Variants in LINGO2 observed in about 807,000 individuals in gnomAD.
The protein encoded by LINGO2 is leucine rich repeat and Ig domain containing 2.
In LINGO2, 14 loss-of-function variants were observed where a neutral mutation model predicts 30.6. The ratio of observed to expected loss-of-function variants is 0.46; its 90% CI spans 0.30 to 0.72. LINGO2 has a LOEUF of 0.72. Among genes scored for constraint, LINGO2 ranks in the 30% least tolerant of loss-of-function variants. The pLI, the probability that LINGO2 is intolerant of heterozygous loss-of-function variation, is 0.07. For synonymous variants in LINGO2, 317 were observed against 288.5 expected, an observed-to-expected ratio of 1.10 and a Z score of -1.00; for missense variants, 729 against 751.7, an observed-to-expected ratio of 0.97 and a Z score of 0.35.
At chr9:28,017,213 GACAAACCC>G (rs1822883655) in intron 4 of LINGO2, among the ~76,000 whole-genome samples, 1 of 152,120 alleles carries the variant, frequency 6.6e-6, no homozygotes, top group Admixed American at 6.6e-5. Flanking sequence ...AGCCATCTAT[GACAAACCC>G]ACAGCCAACA....
chr9:28,420,385 G>T (rs529275439), intron 2 of LINGO2, among the ~76,000 whole-genome samples: 1 of 152,104 alleles, frequency 6.6e-6, no homozygotes, highest in Non-Finnish European at 1.5e-5. Context: ...TGGTTATATA[G>T]TTTTTAATTT....
chr9:28,483,811 T>C (rs1223242536), intron 1 of LINGO2, among the ~76,000 whole-genome samples: 1 of 152,076 alleles, frequency 6.6e-6, no homozygotes, highest in Non-Finnish European at 1.5e-5. Context: ...ATTATACTTG[T>C]TTCATATAAG....
the LINGO2 span, among the ~76,000 whole-genome samples, chr9:28,697,564 G>A: frequency 6.6e-6 from 1 of 151,246 alleles, no homozygotes; most frequent in African/African-American, 2.4e-5. Context: ...AAAAGTCTGG[G>A]TCTTTGTAAA....
At chr9:28,207,367 GT>G (rs769961666) in intron 4 of LINGO2, among the ~76,000 whole-genome samples, 3 of 152,048 alleles carry the variant, frequency 2.0e-5, no homozygotes, top group Non-Finnish European at 4.4e-5. Context: ...ACAATCTTCT[GT>G]TACTTTACAT....
At chr9:28,540,907 CT>C (rs1327902478) in intron 1 of LINGO2, among the ~76,000 whole-genome samples, 1 of 152,168 alleles carries the variant, frequency 6.6e-6, no homozygotes, top group Non-Finnish European at 1.5e-5. Flanking sequence ...TGTACATTAA[CT>C]TTTGTTTCTT....
At chr9:28,612,267 T>C (rs1299561729) in intron 1 of LINGO2, among the ~76,000 whole-genome samples, 1 of 152,136 alleles carries the variant, frequency 6.6e-6, no homozygotes, top group Admixed American at 6.6e-5. Context: ...CTTGCTATAT[T>C]GTGTAGGCTG....
chr9:28,538,310 C>G (rs1218368173), intron 1 of LINGO2, among the ~76,000 whole-genome samples: 1 of 151,880 alleles, frequency 6.6e-6, no homozygotes, highest in Non-Finnish European at 1.5e-5. Context: ...ATGATGAATT[C>G]TGACGTCATA....
the LINGO2 span, among the ~76,000 whole-genome samples, chr9:29,211,029 A>G: frequency 2.0e-5 from 3 of 152,208 alleles, no homozygotes; most frequent in Non-Finnish European, 1.5e-5. Flanking sequence ...TATTTTCACC[A>G]ATGATGGATC....
chr9:28,861,831 TAAAA>T, the LINGO2 span, among the ~76,000 whole-genome samples: 19 of 151,618 alleles, frequency 1.3e-4, no homozygotes, highest in Non-Finnish European at 2.5e-4. Flanking sequence ...ATCTTAAAAA[TAAAA>T]AAAGCGGTAG....
At chr9:28,695,716 G>C in the LINGO2 span, among the ~76,000 whole-genome samples, 4 of 136,482 alleles carry the variant, frequency 2.9e-5, no homozygotes, top group African/African-American at 1.2e-4. Flanking sequence ...GCAAATTGAA[G>C]AACAATATCT....
At chr9:28,295,578 ATGT>A (rs1823893488) in intron 3 of LINGO2, among the ~76,000 whole-genome samples, 1 of 152,142 alleles carries the variant, frequency 6.6e-6, no homozygotes, top group African/African-American at 2.4e-5. Flanking sequence ...GTCCCTCTGC[ATGT>A]TGTTATTGAT....
the LINGO2 span, among the ~76,000 whole-genome samples, chr9:28,966,703 A>G: frequency 1.3e-5 from 2 of 152,146 alleles, no homozygotes; most frequent in African/African-American, 2.4e-5. Context: ...GTTTTTCAGT[A>G]GACCACATCG....
chr9:27,949,311 G>A, exon 6 of LINGO2: 2 of 1,614,116 alleles, frequency 1.2e-6, no homozygotes, highest in Non-Finnish European at 1.7e-6. Flanking sequence ...ATTGGACTTG[G>A]TGGTGATGAA....
chr9:28,928,344 T>C, the LINGO2 span, among the ~76,000 whole-genome samples: 1 of 152,192 alleles, frequency 6.6e-6, no homozygotes, highest in Admixed American at 6.5e-5. Flanking sequence ...TATGTGAACT[T>C]TAAATTAGTA....
chr9:29,199,541 C>G, the LINGO2 span, among the ~76,000 whole-genome samples: 2 of 152,076 alleles, frequency 1.3e-5, no homozygotes, highest in African/African-American at 2.4e-5. Context: ...CATCCTTGAA[C>G]AGGACAGAAA....
intron 4 of LINGO2, among the ~76,000 whole-genome samples, chr9:28,090,886 G>GCC (rs1826061070): frequency 1.3e-5 from 2 of 152,254 alleles, no homozygotes; most frequent in East Asian, 3.9e-4. Flanking sequence ...CAAAATCAAT[G>GCC]TGCAAAAATC....
chr9:28,722,235 T>C, the LINGO2 span, among the ~76,000 whole-genome samples: 2 of 152,158 alleles, frequency 1.3e-5, no homozygotes, highest in East Asian at 3.9e-4. Context: ...TCAAACAAAG[T>C]GTACAAGAAA....
At chr9:29,119,369 A>ACACACG in the LINGO2 span, among the ~76,000 whole-genome samples, 3 of 151,970 alleles carry the variant, frequency 2.0e-5, no homozygotes, top group African/African-American at 7.3e-5. Context: ...GTGCGCGCAC[A>ACACACG]CACACACACC....
intron 4 of LINGO2, among the ~76,000 whole-genome samples, chr9:28,168,835 A>C (rs997228772): frequency 1.3e-5 from 2 of 152,236 alleles, no homozygotes; most frequent in African/African-American, 4.8e-5. Context: ...ATTTTCACAC[A>C]ATGGGAGTTG....
Sources: gnomAD v4.1 joint callset for allele counts (sites outside exome capture counted in the v4.1 genomes callset) on GRCh38, gnomAD v4.1.1 for gene constraint, MANE v1.5 for transcripts, NCBI Gene and HGNC (gene_info 2026-07-23, HGNC 2026-07-21) for gene names.